Variants in OSBPL10 observed in about 807,000 individuals in gnomAD.
OSBPL10 encodes oxysterol-binding protein-related protein 10.
Under a neutral mutation model 81.7 loss-of-function variants are expected in OSBPL10, and 49 were observed. The observed-to-expected ratio is 0.60, with a 90% CI of 0.48 to 0.76. The LOEUF (loss-of-function observed/expected upper bound fraction) is 0.76. Among genes scored for constraint, OSBPL10 ranks in the 30% least tolerant of loss-of-function variants. The probability of loss-of-function intolerance (pLI) is 0.00; values close to 1 mark genes in which losing one functional copy is unlikely to be tolerated. For missense variants in OSBPL10, 923 were observed against 987.8 expected (o/e 0.93, Z 0.88); for synonymous variants, 419 against 383.6 (o/e 1.09, Z -1.08).
At chr3:31,789,192 G>A (rs973396366) in intron 4 of OSBPL10, among the ~76,000 whole-genome samples, 2 of 152,148 alleles carry the variant, frequency 1.3e-5, no homozygotes, top group Admixed American at 1.3e-4. Context: ...TGGTCATGCT[G>A]GGATTACAGG....
intron 9 of OSBPL10, among the ~76,000 whole-genome samples, chr3:31,670,158 C>T (rs767786386): frequency 8.5e-5 from 13 of 152,172 alleles, no homozygotes; most frequent in Non-Finnish European, 1.3e-4. Context: ...CCCTGTGACA[C>T]TCTGATACAC....
At chr3:31,906,022 G>A (rs1200722555) in intron 1 of OSBPL10, among the ~76,000 whole-genome samples, 1 of 152,012 alleles carries the variant, frequency 6.6e-6, no homozygotes, top group Admixed American at 6.6e-5. Context: ...TATGAGTTTG[G>A]GGAGTGTCTC....
chr3:31,851,568 C>T (rs1046650435), intron 3 of OSBPL10, among the ~76,000 whole-genome samples: 6 of 152,234 alleles, frequency 3.9e-5, no homozygotes, highest in Non-Finnish European at 7.3e-5. Context: ...CAGACCAGCA[C>T]GACTCACACG....
At chr3:31,684,549 T>G (rs1190611942) in intron 7 of OSBPL10, among the ~76,000 whole-genome samples, 1 of 152,114 alleles carries the variant, frequency 6.6e-6, no homozygotes, top group Admixed American at 6.5e-5. Flanking sequence ...CTCACAAACA[T>G]GGATACTGGG....
intron 2 of OSBPL10, among the ~76,000 whole-genome samples, chr3:32,023,166 T>TC (rs1699374301): frequency 6.6e-6 from 1 of 152,180 alleles, no homozygotes; most frequent in Non-Finnish European, 1.5e-5. Flanking sequence ...CTGTGATCCA[T>TC]CCAAAACTCA....
chr3:32,029,343 G>T (rs1699446152), intron 2 of OSBPL10, among the ~76,000 whole-genome samples: 1 of 151,942 alleles, frequency 6.6e-6, no homozygotes, highest in Non-Finnish European at 1.5e-5. Flanking sequence ...TAAGTTTTAG[G>T]GTACATGTGC....
intron 2 of OSBPL10, among the ~76,000 whole-genome samples, chr3:32,032,834 T>C (rs1452779791): frequency 6.6e-6 from 1 of 152,188 alleles, no homozygotes; most frequent in East Asian, 1.9e-4. Context: ...TTAGGAAAAA[T>C]TACAGTTGGC....
intron 6 of OSBPL10, among the ~76,000 whole-genome samples, chr3:31,726,536 G>A (rs960823311): frequency 1.3e-5 from 2 of 151,916 alleles, no homozygotes; most frequent in Non-Finnish European, 2.9e-5. Flanking sequence ...GGACGGTCTC[G>A]ATCTCCCGAC....
intron 1 of OSBPL10, among the ~76,000 whole-genome samples, chr3:31,937,605 C>T (rs1291218677): frequency 6.6e-6 from 1 of 152,062 alleles, no homozygotes; most frequent in Non-Finnish European, 1.5e-5. Context: ...GCCCCCAGAC[C>T]CCCGACCCTT....
chr3:31,965,398 T>A (rs9871121), intron 1 of OSBPL10, among the ~76,000 whole-genome samples: 37 of 95,658 alleles, frequency 3.9e-4, no homozygotes, highest in South Asian at 9.7e-4. Context: ...GTATAATATA[T>A]AATATAAAAT....
chr3:32,056,147 T>G lies in OSBPL10; in HGVS notation n.186-9544A>C, dbSNP rs1699710846. Reference sequence around the variant, plus strand: ...AAATAAGAACTGGAGAGAGAAAAATTATGTCTCAAGAACCATGATACACCT... The same window carrying G: ...AAATAAGAACTGGAGAGAGAAAAATGATGTCTCAAGAACCATGATACACCT... On this transcript the variant is annotated intron_variant and non_coding_transcript_variant, in intron 1 of 3. Transcript: ENST00000479173. 3.9e-5 allele frequency among the ~76,000 whole-genome samples: 6 copies of G among 152,262 alleles called. No homozygotes were observed. In the South Asian group the frequency reaches 1.0e-3, roughly 26 times the overall value.
intron 3 of OSBPL10, among the ~76,000 whole-genome samples, chr3:31,862,419 A>ATCTTTT (rs1701078331): frequency 6.6e-6 from 1 of 152,224 alleles, no homozygotes; most frequent in African/African-American, 2.4e-5. Context: ...GTTGAAATAA[A>ATCTTTT]AGATGTCTGC....
intron 6 of OSBPL10, chr3:31,708,654 G>A (rs1369306614): frequency 9.0e-6 from 8 of 891,060 alleles, no homozygotes; most frequent in Non-Finnish European, 1.1e-5. Context: ...TCTCCCCTGA[G>A]GACACAGAGA....
intron 1 of OSBPL10, among the ~76,000 whole-genome samples, chr3:31,948,515 T>C (rs897500523): frequency 4.6e-5 from 7 of 152,144 alleles, no homozygotes; most frequent in Non-Finnish European, 8.8e-5. Flanking sequence ...TCAGAGTGAA[T>C]CTCCACGACC....
At chr3:31,708,500 AC>A (rs1696143093) in intron 6 of OSBPL10, among the ~76,000 whole-genome samples, 1 of 152,236 alleles carries the variant, frequency 6.6e-6, no homozygotes, top group African/African-American at 2.4e-5. Flanking sequence ...TATGTCAATA[AC>A]ATCAGCATAG....
In OSBPL10 at chr3:31,681,706, T is replaced by TC. The variant is rs775476740; in HGVS notation, c.1726+1927dup. Among the ~76,000 whole-genome samples the TC allele has an allele frequency of 2.6e-5, 4 of 152,286 alleles. No homozygotes were observed. The East Asian group carries it at 5.8e-4, about 22-fold the overall frequency. ...TTCAGTCTACTTCTCTGGCCACCCC[T>TC]CATCAGTCTCCTCGGCTGGCTGTTC... On this transcript the variant is annotated intron_variant, in intron 8 of 11. Transcript: ENST00000396556.
intron 4 of OSBPL10, among the ~76,000 whole-genome samples, chr3:31,829,537 C>T (rs1413309130): frequency 2.0e-5 from 3 of 152,130 alleles, no homozygotes; most frequent in Admixed American, 6.5e-5. Flanking sequence ...AAGACTTGCT[C>T]TTAAACAAGT....
intron 3 of OSBPL10, among the ~76,000 whole-genome samples, chr3:31,834,405 G>A (rs967173297): frequency 6.6e-6 from 1 of 152,286 alleles, no homozygotes. Flanking sequence ...TGTTCATCTG[G>A]CTACTCCTTA....
chr3:31,722,942 G>A (rs930908701), intron 6 of OSBPL10, among the ~76,000 whole-genome samples: 1 of 152,092 alleles, frequency 6.6e-6, no homozygotes, highest in African/African-American at 2.4e-5. Flanking sequence ...CTGATGAGAT[G>A]ATCAAGAAAA....
Sources: allele counts gnomAD v4.1 joint callset (sites outside exome capture counted in the v4.1 genomes callset), GRCh38; gene constraint gnomAD v4.1.1; transcripts MANE v1.5; gene names NCBI Gene and HGNC (gene_info 2026-07-23, HGNC 2026-07-21).